Variants in SPEN observed in about 807,000 individuals in gnomAD.
SPEN encodes the protein spen family transcriptional repressor.
SPEN carries 18 observed loss-of-function variants against 269.9 expected under a neutral mutation model. That is an observed-to-expected ratio of 0.07 (90% CI 0.05 to 0.10). The LOEUF (loss-of-function observed/expected upper bound fraction) is 0.10. Among genes scored for constraint, SPEN ranks in the 10% least tolerant of loss-of-function variants. The pLI is 1.00. For missense variants in SPEN, 3,822 were observed against 4,631.2 expected (o/e 0.83, Z 5.07); for synonymous variants, 1,726 against 1,765.7 (o/e 0.98, Z 0.56).
chr1:15,900,884 C>T (rs1250028188), intron 3 of SPEN, among the ~76,000 whole-genome samples: 1 of 151,852 alleles, frequency 6.6e-6, no homozygotes, highest in Non-Finnish European at 1.5e-5. Context: ...CCCCACCCCA[C>T]CCCCACTGTG....
rs764702790 is a variant in SPEN, at chr1:15,909,354, T to A, written c.915T>A (p.Ser305=). ...CCAGCAGTAGTTCAAGTGATGATTCTCCAGCTCGATCAGTTCAGTCTGCAG... is the reference window on the plus strand; with the variant it reads ...CCAGCAGTAGTTCAAGTGATGATTCACCAGCTCGATCAGTTCAGTCTGCAG... ...SDSSSSSSDD[S]PARSVQSAAV... Residue 305 remains serine, a synonymous_variant, in exon 4 of 15, where the codon TCT becomes TCA. Coordinates refer to ENST00000375759, the MANE Select transcript of SPEN (RefSeq NM_015001.3). 5.0e-6 allele frequency: 8 copies of A among 1,613,296 alleles called. No homozygotes were observed. In the Admixed American group the frequency reaches 1.3e-4, roughly 27 times the overall value.
At position 15,848,187 on chromosome 1, in the gene SPEN, C is replaced by T. The variant is rs747463297; in HGVS notation, c.83+37C>T. ...GAGGCCCGCGGCCGCGCTCGCTCCT[C>T]GGGCGCCGCTTCCCGCCCCGGCCCG... is the stretch of plus-strand genomic sequence containing the variant. On this transcript the variant is annotated intron_variant, in intron 1 of 14. Transcript: ENST00000375759. The surrounding 1 kb of genome is among the most constrained non-coding windows in gnomAD (Gnocchi z 5.1). 4.3e-6 allele frequency: 6 copies of T among 1,392,852 alleles called. No individual in the cohort carries two copies. The South Asian group carries it at 6.9e-5, about 16-fold the overall frequency. 86.3% of individuals were successfully genotyped at this position (1,392,852 alleles called of 1,614,324 possible). A position where few individuals can be genotyped will look rare whatever the true frequency, so the allele number is the denominator to read the frequency against.
At chr1:15,890,372 C>T (rs1037062054) in intron 3 of SPEN, among the ~76,000 whole-genome samples, 5 of 151,876 alleles carry the variant, frequency 3.3e-5, no homozygotes, top group African/African-American at 9.7e-5. Flanking sequence ...GCTGGGATTA[C>T]AGGCACGCAC....
chr1:15,929,331 A>G lies in SPEN; in HGVS notation c.3091A>G (p.Arg1031Gly). ...DVSSREVILL[R>G]EGEAERKPVR... ...GTCCTCTAGAGAGGTCATTCTGCTGAGGGAAGGAGAGGCTGAAAGAAAGCC... is the reference window on the plus strand; with the variant it reads ...GTCCTCTAGAGAGGTCATTCTGCTGGGGGAAGGAGAGGCTGAAAGAAAGCC... Residue 1031 changes from arginine (R) to glycine (G), a missense_variant, in exon 11 of 15, where the codon AGG (arginine) becomes GGG (glycine). Arg to Gly is a moderately radical substitution (Grantham distance 125). Around this residue, in one of 16 missense-constraint regions of SPEN, gnomAD observed 572 missense variants for 582.6 expected, o/e 0.98. Coordinates refer to ENST00000375759, the MANE Select transcript of SPEN (RefSeq NM_015001.3). This position sits in a 1 kb window ranked among gnomAD's most constrained non-coding sequence, Gnocchi z 5.8. 2 of 1,613,318 alleles carry G rather than the reference A, an allele frequency of 1.2e-6. No individual in the cohort carries two copies. The highest frequency in any genetic ancestry group is 1.7e-6 in the Non-Finnish European group (2 of 1,179,782).
intron 3 of SPEN, among the ~76,000 whole-genome samples, chr1:15,888,806 T>G (rs1260579160): frequency 6.6e-6 from 1 of 151,974 alleles, no homozygotes; most frequent in Non-Finnish European, 1.5e-5. Flanking sequence ...TAATTTTGTA[T>G]TTTTAGTAGA....
At chr1:15,881,497 A>G (rs370618156) in intron 3 of SPEN, among the ~76,000 whole-genome samples, 3 of 152,338 alleles carry the variant, frequency 2.0e-5, no homozygotes, top group African/African-American at 4.8e-5. Context: ...TGGTGATATG[A>G]AAGAACAAGA....
In SPEN at chr1:15,876,198, G is replaced by A. The variant is rs763549694; in HGVS notation, c.405-4G>A. On this transcript the variant is annotated splice_region_variant and splice_polypyrimidine_tract_variant and intron_variant, in intron 2 of 14. Transcript: ENST00000375759. ...TTAAATATTTTTCCCCCTCCTAAAT[G>A]CAGGGCTTCAGATAACAGGGAGCGT... 1 of 1,603,486 alleles carries A rather than the reference G, an allele frequency of 6.2e-7. No individual in the cohort carries two copies. Among genetic ancestry groups the A allele is most frequent in the African/African-American group, 1.3e-5 (1 of 74,576 alleles).
intron 3 of SPEN, among the ~76,000 whole-genome samples, chr1:15,883,515 G>A (rs565357264): frequency 3.3e-5 from 5 of 151,638 alleles, no homozygotes; most frequent in Admixed American, 6.6e-5. Context: ...TCCACCTCCC[G>A]GGTGGAGCAA....
chr1:15,909,515 C>A (rs1364458843), intron 4 of SPEN, 34 bp downstream of exon 4: 3 of 1,591,648 alleles, frequency 1.9e-6, no homozygotes, highest in African/African-American at 2.7e-5. Context: ...TTCCTCTGTG[C>A]TACTACTGAG....
chr1:15,896,241 G>A (rs939996087), intron 3 of SPEN, among the ~76,000 whole-genome samples: 3 of 131,004 alleles, frequency 2.3e-5, no homozygotes, highest in Non-Finnish European at 4.6e-5. Flanking sequence ...TGTCACCCAG[G>A]CTGGAGTGCA....
At chr1:15,905,485 G>A (rs1023576215) in intron 3 of SPEN, among the ~76,000 whole-genome samples, 2 of 152,130 alleles carry the variant, frequency 1.3e-5, no homozygotes, top group African/African-American at 4.8e-5. Flanking sequence ...GCCTCCCAAA[G>A]TGCTGGGATT....
intron 1 of SPEN, among the ~76,000 whole-genome samples, chr1:15,866,972 A>T (rs1311627361): frequency 6.6e-6 from 1 of 152,218 alleles, no homozygotes. Flanking sequence ...TTTTTGAAAG[A>T]TAACAGTTTT....
At position 15,931,915 on chromosome 1, in the gene SPEN, C is replaced by G. The variant is rs1179513800; in HGVS notation, c.5675C>G (p.Pro1892Arg). ...NSAADLEHPEPSLPLSRTRRR... is the reference protein window; with the variant it reads ...NSAADLEHPERSLPLSRTRRR... Reference sequence around the variant, plus strand: ...GCTGCAGACCTTGAACATCCCGAACCAAGTTTGCCTCTCAGCCGAACAAGG... The same window carrying G: ...GCTGCAGACCTTGAACATCCCGAACGAAGTTTGCCTCTCAGCCGAACAAGG... The change falls in exon 11 of 15, where the codon CCA (proline) becomes CGA (arginine). Residue 1892 changes from proline (P) to arginine (R), a missense_variant. Physicochemically the swap from Pro to Arg is moderately radical, Grantham distance 103 (BLOSUM62 -2). Transcript: ENST00000375759. The surrounding 1 kb of genome is among the most constrained non-coding windows in gnomAD (Gnocchi z 4.8). 2 of 1,614,212 alleles carry G rather than the reference C, an allele frequency of 1.2e-6. No homozygotes were observed. The highest frequency in any genetic ancestry group is 3.3e-5 in the Admixed American group (2 of 60,024).
chr1:15,900,630 A>G (rs1319614818), intron 3 of SPEN, among the ~76,000 whole-genome samples: 5 of 152,126 alleles, frequency 3.3e-5, no homozygotes, highest in Non-Finnish European at 7.4e-5. Flanking sequence ...TTTTTCTTAC[A>G]ATTCAAAGAT....
chr1:15,849,384 G>A (rs2148699239), intron 1 of SPEN, among the ~76,000 whole-genome samples: 1 of 152,378 alleles, frequency 6.6e-6, no homozygotes, highest in Admixed American at 6.5e-5. Flanking sequence ...CAGCGGCGGC[G>A]GAGCTCCTGT....
chr1:15,896,316 C>T (rs936465431), intron 3 of SPEN, among the ~76,000 whole-genome samples: 5 of 151,390 alleles, frequency 3.3e-5, no homozygotes, highest in Non-Finnish European at 5.9e-5. Context: ...CTGTCTCAGC[C>T]TCCCACGTAG....
chr1:15,848,134 A>G lies in SPEN; in HGVS notation c.67A>G (p.Ile23Val). ...CGAGAACGTGCGGGAAGAGAAGATC[A>G]TCGAGCATTTCAAACGGTGAGTGAC... is the stretch of plus-strand genomic sequence containing the variant. ...LPENVREEKI[I>V]EHFKRYGRVE... The change falls in exon 1 of 15, where the codon ATC becomes GTC. Residue 23 changes from isoleucine (I) to valine (V), a missense_variant. Transcript: ENST00000375759. This position sits in a 1 kb window ranked among gnomAD's most constrained non-coding sequence, Gnocchi z 5.1. 6.7e-7 allele frequency: 1 copy of G among 1,496,188 alleles called. No individual in the cohort carries two copies. 92.7% of individuals were successfully genotyped at this position (1,496,188 alleles called of 1,614,324 possible). A position where few individuals can be genotyped will look rare whatever the true frequency, so the allele number is the denominator to read the frequency against.
chr1:15,863,540 T>C (rs905647277), intron 1 of SPEN, among the ~76,000 whole-genome samples: 4 of 152,120 alleles, frequency 2.6e-5, no homozygotes, highest in Admixed American at 2.6e-4. Context: ...AAATAGTTTC[T>C]AATATAAAAA....
rs774004188 is a variant in SPEN, at chr1:15,930,223, T to C, written c.3983T>C (p.Leu1328Pro). The C allele has an allele frequency of 1.9e-6, 3 of 1,614,038 alleles. No homozygotes were observed. Among genetic ancestry groups the C allele is most frequent in the South Asian group, 2.2e-5 (2 of 91,078 alleles). The change falls in exon 11 of 15, where the codon CTA becomes CCA. Residue 1328 changes from leucine (L) to proline (P), a missense_variant. By Grantham distance (98) the Leu-to-Pro change is moderately conservative. This residue lies in a region of SPEN where 267 missense variants were observed against 315.5 expected (regional missense o/e 0.85). Transcript: ENST00000375759. The surrounding 1 kb of genome is among the most constrained non-coding windows in gnomAD (Gnocchi z 5.3). Reference sequence around the variant, plus strand: ...ATGGCAGATATGGCCAAAATAAAACTATCTGTCTTGAATTCTGAAGATGAA... The same window carrying C: ...ATGGCAGATATGGCCAAAATAAAACCATCTGTCTTGAATTCTGAAGATGAA... The part of the protein sequence containing the change: ...EQMADMAKIK[L>P]SVLNSEDELN...
Sources: gnomAD v4.1 joint callset for allele counts (sites outside exome capture counted in the v4.1 genomes callset) on GRCh38, gnomAD v4.1.1 for gene constraint, gnomAD v4.1.1 regional missense constraint, Gnocchi (gnomAD v3.1) non-coding constraint, MANE v1.5 for transcripts, NCBI Gene and HGNC (gene_info 2026-07-23, HGNC 2026-07-21) for gene names.